Variants in MEP1B observed in about 807,000 individuals in gnomAD.
MEP1B encodes the protein N-benzoyl-L-tyrosyl-P-amino-benzoic acid hydrolase subunit beta.
A neutral mutation model predicts 84.6 loss-of-function variants in MEP1B; 80 were observed. The ratio of observed to expected loss-of-function variants is 0.95; its 90% confidence interval spans 0.79 to 1.14. The LOEUF (loss-of-function observed/expected upper bound fraction) is 1.14, where lower values mean the gene tolerates loss of function less well. Among genes scored for constraint, MEP1B ranks in the 50% most tolerant of loss-of-function variants. The probability of loss-of-function intolerance (pLI) is 0.00; values close to 1 mark genes in which losing one functional copy is unlikely to be tolerated. For missense variants in MEP1B, 766 were observed against 855.1 expected (o/e 0.90, Z 1.30); for synonymous variants, 273 against 288.1 (o/e 0.95, Z 0.53).
chr18:32,213,469 G>A lies in MEP1B; in HGVS notation c.1489G>A (p.Ala497Thr), dbSNP rs2041051538. 1.2e-6 allele frequency: 2 copies of A among 1,613,812 alleles called. No individual in the cohort carries two copies. Among genetic ancestry groups the A allele is most frequent in the Admixed American group, 1.7e-5 (1 of 59,996 alleles). ...QLQWPCPWQQ[A>T]TMTLLDQNPD... Reference sequence around the variant, plus strand: ...ACAGTGGCCATGTCCTTGGCAACAAGCCACAATGACACTTTTGGATCAAAA... The same window carrying A: ...ACAGTGGCCATGTCCTTGGCAACAAACCACAATGACACTTTTGGATCAAAA... Residue 497 changes from alanine (A) to threonine (T), a missense_variant, in exon 11 of 15, where the codon GCC becomes ACC. Transcript: ENST00000269202.
rs765266133 is a variant in MEP1B, at chr18:32,215,186, T to G, written c.1684T>G (p.Phe562Val). 6.2e-7 allele frequency: 1 copy of G among 1,612,420 alleles called. No homozygotes were observed. ...RRGGGYGTSA[F>V]ITHERLKSRD... is the part of the protein sequence containing the mutation. The stretch of plus-strand genomic sequence containing the variant: ...AGGTGGGGGCTATGGAACCAGTGCC[T>G]TTATAACCCACGAAAGGCTGAAAAG... Residue 562 changes from phenylalanine to valine, a missense_variant, in exon 12 of 15, where the codon TTT (phenylalanine) becomes GTT (valine). Coordinates refer to ENST00000269202, the MANE Select transcript of MEP1B (RefSeq NM_005925.3).
At chr18:32,202,459 T>C (rs532794931) in intron 5 of MEP1B, among the ~76,000 whole-genome samples, 8 of 152,262 alleles carry the variant, frequency 5.3e-5, no homozygotes, top group Admixed American at 2.6e-4. Flanking sequence ...CATACACACT[T>C]TGCATACTAT....
intron 9 of MEP1B, among the ~76,000 whole-genome samples, chr18:32,209,405 T>A (rs898187425): frequency 1.3e-5 from 2 of 151,376 alleles, no homozygotes; most frequent in African/African-American, 4.9e-5. Context: ...GAGAATCACT[T>A]GAACCCGGGG....
intron 9 of MEP1B, among the ~76,000 whole-genome samples, chr18:32,209,448 T>C (rs552441809): frequency 6.6e-6 from 1 of 150,678 alleles, no homozygotes; most frequent in East Asian, 1.9e-4. Context: ...GATCATACCA[T>C]TGCGTATCAG....
intron 9 of MEP1B, among the ~76,000 whole-genome samples, chr18:32,210,184 G>A (rs9959013): frequency 0.038 from 5,821 of 152,176 alleles, 396 homozygotes; most frequent in African/African-American, 0.13. Context: ...TAAAAAGTTA[G>A]CATTTGATAC....
chr18:32,197,800 T>C (rs924878953), intron 5 of MEP1B, among the ~76,000 whole-genome samples: 2 of 152,208 alleles, frequency 1.3e-5, no homozygotes, highest in African/African-American at 4.8e-5. Context: ...GTGTGTTGCA[T>C]GATGCTGAAG....
intron 9 of MEP1B, among the ~76,000 whole-genome samples, chr18:32,210,252 C>T (rs973535643): frequency 1.3e-5 from 2 of 152,130 alleles, no homozygotes; most frequent in African/African-American, 4.8e-5. Context: ...GGATTAGTGC[C>T]CACGGAAAAC....
intron 7 of MEP1B, among the ~76,000 whole-genome samples, chr18:32,206,909 CTTAAAATA>C (rs1209636765): frequency 1.3e-5 from 2 of 152,094 alleles, no homozygotes; most frequent in African/African-American, 4.8e-5. Context: ...CACGCCCGGC[CTTAAAATA>C]TTTATTAGAG....
chr18:32,211,601 C>T (rs773614035), intron 10 of MEP1B, among the ~76,000 whole-genome samples: 8 of 152,130 alleles, frequency 5.3e-5, no homozygotes, highest in African/African-American at 7.2e-5. Flanking sequence ...CAGTGAAGAA[C>T]TGGGATACTT....
Position 32,215,184 on chromosome 18 carries a change from C to G in MEP1B, c.1682C>G (p.Ala561Gly). ...FRRGGGYGTS[A>G]FITHERLKSR... The stretch of plus-strand genomic sequence containing the variant: ...AGAGGTGGGGGCTATGGAACCAGTG[C>G]CTTTATAACCCACGAAAGGCTGAAA... The change falls in exon 12 of 15, where the codon GCC becomes GGC. Residue 561 changes from alanine (A) to glycine (G), a missense_variant. Transcript: ENST00000269202. 6.2e-7 allele frequency: 1 copy of G among 1,612,014 alleles called. No homozygotes were observed. The highest frequency in any genetic ancestry group is 8.5e-7 in the Non-Finnish European group (1 of 1,178,848).
chr18:32,219,268 T>C (rs1257306188), intron 14 of MEP1B, among the ~76,000 whole-genome samples: 1 of 152,194 alleles, frequency 6.6e-6, no homozygotes, highest in Admixed American at 6.5e-5. Context: ...AAGCAAATCG[T>C]TGTATTATCG....
chr18:32,195,001 A>T (rs938160751), intron 4 of MEP1B, among the ~76,000 whole-genome samples: 2 of 152,336 alleles, frequency 1.3e-5, no homozygotes, highest in East Asian at 1.9e-4. Context: ...TCCTTTAAAA[A>T]TTTTTGAAAA....
At chr18:32,212,862 C>T (rs569235401) in intron 10 of MEP1B, among the ~76,000 whole-genome samples, 10 of 152,222 alleles carry the variant, frequency 6.6e-5, no homozygotes, top group South Asian at 2.1e-4. Flanking sequence ...ATTTACTCAC[C>T]GATCTCTAGG....
At chr18:32,214,342 T>C (rs1473052729) in intron 11 of MEP1B, among the ~76,000 whole-genome samples, 5 of 152,102 alleles carry the variant, frequency 3.3e-5, no homozygotes, top group African/African-American at 4.8e-5. Flanking sequence ...AAGGAAAAAA[T>C]GGAATTATGG....
At chr18:32,209,932 G>A (rs7227067) in intron 9 of MEP1B, among the ~76,000 whole-genome samples, 19,267 of 152,118 alleles carry the variant, frequency 0.13, 1,989 homozygotes, top group African/African-American at 0.29. Context: ...AATTACCCTT[G>A]GGAGACACAG....
rs547236398 is a variant in MEP1B, at chr18:32,196,054, T to C, written c.250+569T>C. 4.3e-5 allele frequency: 18 copies of C among 423,266 alleles called. No homozygotes were observed. The highest frequency in any genetic ancestry group is 3.5e-4 in the Middle Eastern group (1 of 2,860). The allele number at this position is 423,266 out of a possible 1,614,324, so 26.2% of individuals were successfully genotyped here. A position where few individuals can be genotyped will look rare whatever the true frequency, so the allele number is the denominator to read the frequency against. ...CTGCAAGTTCGGGGAAGAAGGGTCA[T>C]TGGCAGCCCGGGGCTGGGAACCCAG... is the stretch of plus-strand genomic sequence containing the variant. On this transcript the variant is annotated intron_variant, in intron 5 of 14. Coordinates refer to ENST00000269202, the MANE Select transcript of MEP1B (RefSeq NM_005925.3). The surrounding 1 kb of genome is among the most constrained non-coding windows in gnomAD (Gnocchi z 4.4).
intron 2 of MEP1B, among the ~76,000 whole-genome samples, chr18:32,192,236 AT>A (rs2040808837): frequency 6.6e-6 from 1 of 152,084 alleles, no homozygotes; most frequent in African/African-American, 2.4e-5. Flanking sequence ...TAACTTAAGA[AT>A]TTTGCTTGAA....
In MEP1B at chr18:32,210,590, G is replaced by A. The variant is rs2144416546; in HGVS notation, c.1009G>A (p.Gly337Arg). Reference sequence around the variant, plus strand: ...AAGTAGAACGCTGTACCCTAAAAGAGGATTTCAGTGCCTGCAATTTTACTT... The same window carrying A: ...AAGTAGAACGCTGTACCCTAAAAGAAGATTTCAGTGCCTGCAATTTTACTT... Reference protein sequence around the residue: ...LESRTLYPKRGFQCLQFYLYN... With the variant: ...LESRTLYPKRRFQCLQFYLYN... Residue 337 changes from glycine to arginine, a missense_variant, in exon 10 of 15, where the codon GGA becomes AGA. By Grantham distance (125) the Gly-to-Arg change is moderately radical. Coordinates refer to ENST00000269202, the MANE Select transcript of MEP1B (RefSeq NM_005925.3). 1 of 1,614,006 alleles carries A rather than the reference G, an allele frequency of 6.2e-7. No homozygotes were observed. The highest frequency in any genetic ancestry group is 2.2e-5 in the East Asian group (1 of 44,888).
chr18:32,214,545 G>T (rs1014278791), intron 11 of MEP1B, among the ~76,000 whole-genome samples: 2 of 152,148 alleles, frequency 1.3e-5, no homozygotes, highest in African/African-American at 2.4e-5. Flanking sequence ...AAACAGCTCA[G>T]GGCTGGGTAG....
Sources: gnomAD v4.1 joint callset for allele counts (sites outside exome capture counted in the v4.1 genomes callset) on GRCh38, gnomAD v4.1.1 for gene constraint, Gnocchi (gnomAD v3.1) non-coding constraint, MANE v1.5 for transcripts, NCBI Gene and HGNC (gene_info 2026-07-23, HGNC 2026-07-21) for gene names.